SNTG1: variants seen among roughly 807,000 people sequenced by gnomAD.
SNTG1 encodes syntrophin gamma 1.
Under a neutral mutation model 74.7 loss-of-function variants are expected in SNTG1, and 39 were observed. The observed-to-expected ratio is 0.52, with a 90% confidence interval of 0.40 to 0.68. The LOEUF (loss-of-function observed/expected upper bound fraction) is 0.68, where lower values mean the gene tolerates loss of function less well. Among genes scored for constraint, SNTG1 ranks in the 30% least tolerant of loss-of-function variants. SNTG1 has a pLI of 0.00. For synonymous variants in SNTG1, 254 were observed against 217.1 expected (o/e 1.17, Z -1.49); for missense variants, 685 against 609.5 (o/e 1.12, Z -1.30).
chr8:50,697,511 AT>A (rs2095409351), intron 15 of SNTG1, among the ~76,000 whole-genome samples: 1 of 152,112 alleles, frequency 6.6e-6, no homozygotes, highest in Non-Finnish European at 1.5e-5. Flanking sequence ...TCCAGTTCTT[AT>A]GGGGAATACT....
intron 2 of SNTG1, among the ~76,000 whole-genome samples, chr8:50,306,652 T>A (rs1194775827): frequency 6.6e-6 from 1 of 151,732 alleles, no homozygotes; most frequent in Non-Finnish European, 1.5e-5. Flanking sequence ...TGATTAGTGA[T>A]GTTGGCCATT....
intron 1 of SNTG1, among the ~76,000 whole-genome samples, chr8:50,007,129 A>C (rs1418319568): frequency 6.6e-6 from 1 of 152,032 alleles, no homozygotes; most frequent in African/African-American, 2.4e-5. Flanking sequence ...GGTTTGCCTC[A>C]ACTTGCTTGG....
At chr8:50,503,042 C>T (rs2093977377) in intron 9 of SNTG1, among the ~76,000 whole-genome samples, 162 bp downstream of exon 9, 1 of 152,054 alleles carries the variant, frequency 6.6e-6, no homozygotes, top group African/African-American at 2.4e-5. Context: ...GAAAAGGGAA[C>T]AGATGTTATT....
intron 4 of SNTG1, among the ~76,000 whole-genome samples, chr8:50,427,020 T>C (rs1188227081): frequency 2.0e-5 from 3 of 152,170 alleles, no homozygotes; most frequent in Admixed American, 2.0e-4. Flanking sequence ...TGCCATCTTA[T>C]ATGAGGGACT....
At chr8:50,622,369 AGTTAAT>A (rs2094928916) in intron 13 of SNTG1, among the ~76,000 whole-genome samples, 1 of 152,196 alleles carries the variant, frequency 6.6e-6, no homozygotes, top group South Asian at 2.1e-4. Context: ...GTATAGAAAC[AGTTAAT>A]GTTTAATAAC....
chr8:50,044,918 G>T (rs566353433), intron 1 of SNTG1, among the ~76,000 whole-genome samples: 122 of 152,238 alleles, frequency 8.0e-4, no homozygotes, highest in Middle Eastern at 3.4e-3. Flanking sequence ...TGATATTTGC[G>T]AACCATTTAA....
At chr8:50,120,389 C>T (rs952109472) in intron 1 of SNTG1, among the ~76,000 whole-genome samples, 3 of 140,058 alleles carry the variant, frequency 2.1e-5, no homozygotes, top group East Asian at 2.0e-4. Context: ...ATCACCACCA[C>T]CACCACTACC....
At chr8:50,090,299 T>G (rs1586224380) in intron 1 of SNTG1, among the ~76,000 whole-genome samples, 1 of 152,064 alleles carries the variant, frequency 6.6e-6, no homozygotes, top group Admixed American at 6.6e-5. Flanking sequence ...ACCGAAGAGG[T>G]AAGGATAGAG....
At chr8:50,713,225 T>C (rs970218099) in intron 17 of SNTG1, among the ~76,000 whole-genome samples, 2 of 152,188 alleles carry the variant, frequency 1.3e-5, no homozygotes, top group African/African-American at 4.8e-5. Flanking sequence ...CACGTTGTGG[T>C]TTTGATTTGT....
chr8:50,782,860 G>A (rs1293578299), intron 18 of SNTG1, among the ~76,000 whole-genome samples: 31 of 152,090 alleles, frequency 2.0e-4, no homozygotes, highest in Admixed American at 2.0e-3. Flanking sequence ...CTTTGATGAT[G>A]GTGATGTAAG....
At chr8:50,402,187 T>C in intron 3 of SNTG1, 23 bp from the exon 4 acceptor site, 2 of 1,579,364 alleles carry the variant, frequency 1.3e-6, no homozygotes, top group Non-Finnish European at 1.7e-6. Context: ...TTTCCTCTGT[T>C]TGTTTTTTTT....
intron 2 of SNTG1, among the ~76,000 whole-genome samples, chr8:50,264,125 T>A (rs1056295920): frequency 6.6e-6 from 1 of 152,094 alleles, no homozygotes; most frequent in East Asian, 1.9e-4. Context: ...TAGAAAATAC[T>A]TGAAGATGAG....
At chr8:50,434,122 G>A (rs1005574625) in intron 4 of SNTG1, among the ~76,000 whole-genome samples, 4 of 142,832 alleles carry the variant, frequency 2.8e-5, no homozygotes, top group African/African-American at 7.9e-5. Flanking sequence ...TCCCACCTAT[G>A]AGTGAGAACA....
Position 49,973,961 on chromosome 8 carries a change from T to C in SNTG1, c.-103+61730T>C, listed in dbSNP as rs538232169. Reference sequence around the variant, plus strand: ...TTCTACCTTCTTAGTGGAAATCATATAAATATTTTACCATAAGCCCCAATT... The same window carrying C: ...TTCTACCTTCTTAGTGGAAATCATACAAATATTTTACCATAAGCCCCAATT... On this transcript the variant is annotated intron_variant, in intron 1 of 18. Coordinates refer to ENST00000642720, the MANE Select transcript of SNTG1 (RefSeq NM_018967.5). 2.0e-3 allele frequency among the ~76,000 whole-genome samples: 300 copies of C among 152,310 alleles called. 4 individuals carry two copies. The highest frequency in any genetic ancestry group is 6.9e-3 in the African/African-American group (287 of 41,578).
At chr8:50,099,933 G>A (rs1380197336) in intron 1 of SNTG1, among the ~76,000 whole-genome samples, 2 of 151,984 alleles carry the variant, frequency 1.3e-5, no homozygotes, top group African/African-American at 2.4e-5. Context: ...TTTGTAGGTG[G>A]TCTTTTCACT....
chr8:50,437,731 A>G (rs1006363956), intron 4 of SNTG1, among the ~76,000 whole-genome samples: 1 of 152,200 alleles, frequency 6.6e-6, no homozygotes, highest in African/African-American at 2.4e-5. Context: ...GGAGCAAGCT[A>G]TAAGTTAAAG....
At chr8:50,291,245 T>C (rs866277698) in intron 2 of SNTG1, among the ~76,000 whole-genome samples, 1 of 30,522 alleles carries the variant, frequency 3.3e-5, no homozygotes, top group Non-Finnish European at 1.2e-4. Flanking sequence ...CAGACATATG[T>C]GTGTGTGTGT....
intron 17 of SNTG1, among the ~76,000 whole-genome samples, chr8:50,747,297 C>A (rs1460081628): frequency 1.3e-5 from 2 of 151,848 alleles, no homozygotes; most frequent in East Asian, 3.9e-4. Flanking sequence ...CTTGTTGCAT[C>A]TTTCTGAAAT....
At chr8:50,414,710 G>C (rs746148504) in intron 4 of SNTG1, among the ~76,000 whole-genome samples, 5 of 151,914 alleles carry the variant, frequency 3.3e-5, no homozygotes, top group African/African-American at 7.3e-5. Context: ...TGACTCAAAG[G>C]AGTGTTAGAC....
Sources: allele counts gnomAD v4.1 joint callset (sites outside exome capture counted in the v4.1 genomes callset), GRCh38; gene constraint gnomAD v4.1.1; transcripts MANE v1.5; gene names NCBI Gene and HGNC (gene_info 2026-07-23, HGNC 2026-07-21).